SGTB: variants seen among roughly 807,000 people sequenced by gnomAD.
The protein encoded by SGTB is small glutamine rich tetratricopeptide repeat co-chaperone beta.
SGTB carries 19 observed loss-of-function variants against 43.9 expected under a neutral mutation model. That is an observed-to-expected ratio of 0.43 (90% CI 0.30 to 0.63). The LOEUF (loss-of-function observed/expected upper bound fraction) is 0.63, where lower values mean the gene tolerates loss of function less well. Among genes scored for constraint, SGTB ranks in the 30% least tolerant of loss-of-function variants. The probability of loss-of-function intolerance (pLI) is 0.12; values close to 1 mark genes in which losing one functional copy is unlikely to be tolerated. For synonymous variants in SGTB, 116 were observed against 117.3 expected (o/e 0.99, Z 0.07); for missense variants, 304 against 358.9 (o/e 0.85, Z 1.24).
At chr5:65,696,134 C>T (rs1019387145) in intron 5 of SGTB, among the ~76,000 whole-genome samples, 1 of 152,182 alleles carries the variant, frequency 6.6e-6, no homozygotes, top group Admixed American at 6.5e-5. Context: ...TTGATTGTGC[C>T]TTTTATACTA....
At chr5:65,686,286 A>C (rs1173342678) in intron 5 of SGTB, among the ~76,000 whole-genome samples, 2 of 152,130 alleles carry the variant, frequency 1.3e-5, no homozygotes, top group Non-Finnish European at 2.9e-5. Flanking sequence ...CTCTGCCTCC[A>C]ACACTGTAAC....
chr5:65,711,220 G>A (rs1348760292), intron 3 of SGTB, among the ~76,000 whole-genome samples: 1 of 151,968 alleles, frequency 6.6e-6, no homozygotes, highest in East Asian at 1.9e-4. Flanking sequence ...ATACTAGGCA[G>A]CCAGTTTCAA....
upstream of SGTB, chr5:65,722,625 G>C: frequency 3.7e-6 from 2 of 533,396 alleles, no homozygotes; most frequent in African/African-American, 2.0e-5. Context: ...TCGGGAGGAC[G>C]TCCATTCCTC....
intron 2 of SGTB, among the ~76,000 whole-genome samples, chr5:65,714,251 T>C (rs149637614): frequency 7.9e-5 from 12 of 152,238 alleles, no homozygotes; most frequent in Non-Finnish European, 1.5e-4. Context: ...AATTCATTCA[T>C]CTATGCAAAT....
At position 65,704,379 on chromosome 5, in the gene SGTB, C is replaced by G; in HGVS notation, c.275-1G>C. 1 of 1,608,474 alleles carries G rather than the reference C, an allele frequency of 6.2e-7. No homozygotes were observed. The highest frequency in any genetic ancestry group is 8.5e-7 in the Non-Finnish European group (1 of 1,176,778). On this transcript the variant is annotated splice_acceptor_variant, in intron 4 of 10. Coordinates refer to ENST00000381007, the MANE Select transcript of SGTB (RefSeq NM_019072.3). LOFTEE classifies it high-confidence loss of function. ...TTTTCTTCTTTCATGTGGTTATTGC[C>G]TAAAATAAAGTAACCAGTATGTACA...
rs763829470 is a variant in SGTB, at chr5:65,685,424, A to C, written c.423T>G (p.Asp141Glu). The change falls in exon 6 of 11, where the codon GAT (aspartate) becomes GAG (glutamate). Residue 141 changes from aspartate (D) to glutamate (E), a missense_variant. Physicochemically the swap from Asp to Glu is conservative, Grantham distance 45. Transcript: ENST00000381007. Reference protein sequence around the residue: ...KLGHYTDAIKDCEKAIAIDSK... With the variant: ...KLGHYTDAIKECEKAIAIDSK... ...AATCAATTGCTATTGCTTTTTCACA[A>C]TCCTTTATCGCATCTGTGTAGTGAC... 1 of 1,614,120 alleles carries C rather than the reference A, an allele frequency of 6.2e-7. No individual in the cohort carries two copies. Among genetic ancestry groups the C allele is most frequent in the Non-Finnish European group, 8.5e-7 (1 of 1,180,002 alleles).
chr5:65,722,173 T>TGGGGC (rs1681920581), upstream of SGTB: 2 of 254,982 alleles, frequency 7.8e-6, no homozygotes, highest in South Asian at 3.3e-4. Context: ...ACACGCGAGC[T>TGGGGC]GGGGCGGGGC....
intron 6 of SGTB, among the ~76,000 whole-genome samples, chr5:65,682,314 AG>A (rs1757412880): frequency 6.6e-6 from 1 of 152,210 alleles, no homozygotes; most frequent in African/African-American, 2.4e-5. Context: ...CAGATGATAG[AG>A]GACCATTGCT....
Position 65,680,531 on chromosome 5 carries a change from A to G in SGTB, c.644T>C (p.Met215Thr). 1 of 1,614,168 alleles carries G rather than the reference A, an allele frequency of 6.2e-7. No homozygotes were observed. The highest frequency in any genetic ancestry group is 8.5e-7 in the Non-Finnish European group (1 of 1,180,026). The change falls in exon 8 of 11, where the codon ATG (methionine) becomes ACG (threonine). Residue 215 changes from methionine to threonine, a missense_variant. Transcript: ENST00000381007. ...SPTGTGLSFD[M>T]ASLINNPAFI... ...GGCTGGATTATTTATCAAGCTAGCC[A>G]TGTCAAAGCTCAGTCCAGTTCCTGT...
At chr5:65,693,454 A>G (rs1368379343) in intron 5 of SGTB, among the ~76,000 whole-genome samples, 1 of 152,042 alleles carries the variant, frequency 6.6e-6, no homozygotes, top group Non-Finnish European at 1.5e-5. Flanking sequence ...GAGGAAGTAA[A>G]CATGGCAAAA....
At chr5:65,720,357 C>T (rs10075486) in intron 2 of SGTB, among the ~76,000 whole-genome samples, 5,572 of 152,234 alleles carry the variant, frequency 0.037, 139 homozygotes, top group Middle Eastern at 0.078. Context: ...GCTGGGATTA[C>T]AGGCATGAGC....
At chr5:65,722,502 C>G (rs887139552), upstream of SGTB, 4 of 1,214,272 alleles carry the variant, frequency 3.3e-6, no homozygotes, top group Non-Finnish European at 3.5e-6. Context: ...CACCCCTTCC[C>G]GACCGCGCCT....
At chr5:65,700,417 C>T (rs1009132854) in intron 5 of SGTB, among the ~76,000 whole-genome samples, 2 of 152,182 alleles carry the variant, frequency 1.3e-5, no homozygotes, top group East Asian at 3.9e-4. Flanking sequence ...GCCTGTAATC[C>T]CAGCACTTTG....
At chr5:65,711,028 G>A (rs1758035413) in intron 3 of SGTB, among the ~76,000 whole-genome samples, 2 of 151,500 alleles carry the variant, frequency 1.3e-5, no homozygotes, top group African/African-American at 2.4e-5. Flanking sequence ...AGCCAGGCGT[G>A]GTGGCACGTG....
chr5:65,671,853 A>G, intron 10 of SGTB, 62 bp downstream of exon 10: 1 of 1,481,406 alleles, frequency 6.8e-7, no homozygotes, highest in South Asian at 1.2e-5. Flanking sequence ...ACCCCTCACC[A>G]TAGAGATAGG....
chr5:65,715,981 G>C (rs1052172269), intron 2 of SGTB, among the ~76,000 whole-genome samples: 1 of 152,202 alleles, frequency 6.6e-6, no homozygotes, highest in Non-Finnish European at 1.5e-5. Context: ...TGTTGGCCAG[G>C]CTGGTCTCAA....
At chr5:65,705,783 T>C (rs932285248) in intron 4 of SGTB, among the ~76,000 whole-genome samples, 11 of 151,822 alleles carry the variant, frequency 7.2e-5, no homozygotes, top group Admixed American at 6.6e-4. Context: ...ATCCCAGCAC[T>C]TTGGGAGGGC....
chr5:65,667,927 A>C lies in SGTB; in HGVS notation c.*2319T>G, dbSNP rs1413035152. The C allele has an allele frequency of 6.6e-6, 1 of 151,804 alleles. No individual in the cohort carries two copies. Among genetic ancestry groups the C allele is most frequent in the African/African-American group, 2.4e-5 (1 of 41,364 alleles). The allele number at this position is 151,804 out of a possible 1,614,324, so 9.4% of individuals were successfully genotyped here. A position where few individuals can be genotyped will look rare whatever the true frequency, so the allele number is the denominator to read the frequency against. ...TTGGATTTTAAACTTCAAGATACAAAATAATTAGTCTCTTAGTCTCTTTTT... is the reference window on the plus strand; with the variant it reads ...TTGGATTTTAAACTTCAAGATACAACATAATTAGTCTCTTAGTCTCTTTTT... On this transcript the variant is annotated 3_prime_UTR_variant, in exon 11 of 11. Transcript: ENST00000381007.
chr5:65,706,054 T>C (rs1217412955), intron 4 of SGTB, among the ~76,000 whole-genome samples: 1 of 152,018 alleles, frequency 6.6e-6, no homozygotes, highest in African/African-American at 2.4e-5. Context: ...AAAAAATTTC[T>C]ATAATTGATT....
Sources: gnomAD v4.1 joint callset for allele counts (sites outside exome capture counted in the v4.1 genomes callset) on GRCh38, gnomAD v4.1.1 for gene constraint, MANE v1.5 for transcripts, NCBI Gene and HGNC (gene_info 2026-07-23, HGNC 2026-07-21) for gene names.